The following PEX3 variants were observed in gnomAD, a reference collection of about 807,000 sequenced individuals.
The protein encoded by PEX3 is peroxin-3.
PEX3 carries 30 observed loss-of-function variants against 55.8 expected under a neutral mutation model. The ratio of observed to expected loss-of-function variants is 0.54; its 90% CI spans 0.40 to 0.73. The LOEUF is 0.73. PEX3 is among the 30% of genes least tolerant of loss of function. The pLI is 0.00. For synonymous variants in PEX3, 135 were observed against 148.4 expected, an observed-to-expected ratio of 0.91 and a Z score of 0.66; for missense variants, 351 against 432.8, an observed-to-expected ratio of 0.81 and a Z score of 1.68.
intron 1 of PEX3, among the ~76,000 whole-genome samples, chr6:143,455,721 G>C (rs161077): frequency 0.69 from 104,270 of 151,950 alleles, 36,157 homozygotes; most frequent in African/African-American, 0.78. Flanking sequence ...TGACCAGAAA[G>C]TGAAGAGTTA....
At position 143,451,324 on chromosome 6, in the gene PEX3, G is replaced by T. The variant is rs987761448; in HGVS notation, c.73+209G>T. On this transcript the variant is annotated intron_variant, in intron 1 of 11. Coordinates refer to ENST00000367591, the MANE Select transcript of PEX3 (RefSeq NM_003630.3). This position sits in a 1 kb window ranked among gnomAD's most constrained non-coding sequence, Gnocchi z 4.1. ...CCTCTGTGCCCTTTGCCCTGTCACC[G>T]ACTCTTAACTCTGTTTCTCACCTAT... 6.6e-6 allele frequency among the ~76,000 whole-genome samples: 1 copy of T among 152,128 alleles called. No homozygotes were observed. The highest frequency in any genetic ancestry group is 2.4e-5 in the African/African-American group (1 of 41,428).
In PEX3 at chr6:143,485,679, A is replaced by G. The variant is rs943042787; in HGVS notation, c.1038+431A>G. ...AAATGTAACAGTTAATAGTGCATCAATAATATGCTCACTAAAAGCCACATA... is the reference window on the plus strand; with the variant it reads ...AAATGTAACAGTTAATAGTGCATCAGTAATATGCTCACTAAAAGCCACATA... On this transcript the variant is annotated intron_variant, in intron 11 of 11. Coordinates refer to ENST00000367591, the MANE Select transcript of PEX3 (RefSeq NM_003630.3). The surrounding 1 kb of genome is among the most constrained non-coding windows in gnomAD (Gnocchi z 5.6). Among the ~76,000 whole-genome samples, 1 of 152,118 alleles carries G rather than the reference A, an allele frequency of 6.6e-6. No homozygotes were observed. Among genetic ancestry groups the G allele is most frequent in the East Asian group, 1.9e-4 (1 of 5,192 alleles).
At chr6:143,460,775 A>G (rs1348814498) in intron 2 of PEX3, among the ~76,000 whole-genome samples, 1 of 151,856 alleles carries the variant, frequency 6.6e-6, no homozygotes, top group Non-Finnish European at 1.5e-5. Context: ...GAGGCAGGAG[A>G]ATCACTTGAA....
In PEX3 at chr6:143,482,015, A is replaced by G. The variant is rs186723709; in HGVS notation, c.941+2817A>G. Among the ~76,000 whole-genome samples, 26 of 152,324 alleles carry G rather than the reference A, an allele frequency of 1.7e-4. No individual in the cohort carries two copies. The East Asian group carries it at 4.6e-3, about 27-fold the overall frequency. On this transcript the variant is annotated intron_variant, in intron 10 of 11. Transcript: ENST00000367591. The surrounding 1 kb of genome is among the most constrained non-coding windows in gnomAD (Gnocchi z 5.5). ...AGTATTTGAAATCAAAAGCAAATATACTTAATAGTAAAACTGGAATGATTT... is the reference window on the plus strand; with the variant it reads ...AGTATTTGAAATCAAAAGCAAATATGCTTAATAGTAAAACTGGAATGATTT...
chr6:143,488,396 C>A lies in PEX3; in HGVS notation c.1039-747C>A, dbSNP rs899680729. 6.6e-6 allele frequency among the ~76,000 whole-genome samples: 1 copy of A among 152,126 alleles called. No individual in the cohort carries two copies. Among genetic ancestry groups the A allele is most frequent in the African/African-American group, 2.4e-5 (1 of 41,506 alleles). Reference sequence around the variant, plus strand: ...CAATCATATATAGTTTTCAAAATTTCTTTTAAAATTAAGTGTATGATATAG... The same window carrying A: ...CAATCATATATAGTTTTCAAAATTTATTTTAAAATTAAGTGTATGATATAG... On this transcript the variant is annotated intron_variant, in intron 11 of 11. Transcript: ENST00000367591. The surrounding 1 kb of genome is among the most constrained non-coding windows in gnomAD (Gnocchi z 4.9).
chr6:143,474,047 A>C (rs1332409227), intron 8 of PEX3, among the ~76,000 whole-genome samples: 1 of 152,058 alleles, frequency 6.6e-6, no homozygotes, highest in Non-Finnish European at 1.5e-5. Context: ...CAGGAGGATC[A>C]CTTGAGCCCA....
rs1197709296 is a variant in PEX3 at position 143,479,811 on chromosome 6, A to G, written c.941+613A>G. On this transcript the variant is annotated intron_variant, in intron 10 of 11. Coordinates refer to ENST00000367591, the MANE Select transcript of PEX3 (RefSeq NM_003630.3). The surrounding 1 kb of genome is among the most constrained non-coding windows in gnomAD (Gnocchi z 4.6). ...ATATCTTTGTTATCCCAACACAAAT[A>G]TCTTTGGTCTCATATTAGAATTTAT... Among the ~76,000 whole-genome samples the G allele has an allele frequency of 8.5e-5, 13 of 152,210 alleles. 1 individual carries two copies. The East Asian group carries it at 2.3e-3, about 27-fold the overall frequency.
In PEX3 at chr6:143,471,025, G is replaced by A. The variant is rs1484027885; in HGVS notation, c.396G>A (p.Gln132=). Residue 132 remains glutamine (Q), a synonymous_variant, in exon 5 of 12, where the codon CAG becomes CAA. Transcript: ENST00000367591. This position sits in a 1 kb window ranked among gnomAD's most constrained non-coding sequence, Gnocchi z 5.4. The part of the protein sequence containing the change: ...TCMLVVLLRV[Q]LNIIGGYIYL... ...TGCTGGTTGTTCTTTTGCGGGTCCA[G>A]TTAAACATAATTGGTGGATATATTT... 2 of 1,612,734 alleles carry A rather than the reference G, an allele frequency of 1.2e-6. No individual in the cohort carries two copies.
At chr6:143,474,738 C>A in intron 8 of PEX3, 48 bp from the exon 9 acceptor site, 1 of 911,200 alleles carries the variant, frequency 1.1e-6, no homozygotes, top group South Asian at 1.3e-5. Flanking sequence ...TCATCATAAC[C>A]CTGTGCTAAT....
At chr6:143,484,552 C>T (rs1207541583) in intron 10 of PEX3, among the ~76,000 whole-genome samples, 1 of 151,922 alleles carries the variant, frequency 6.6e-6, no homozygotes, top group Non-Finnish European at 1.5e-5. Flanking sequence ...GGGAAATACT[C>T]AACATTGTTA....
In PEX3 at chr6:143,480,874, A is replaced by T. The variant is rs145601885; in HGVS notation, c.941+1676A>T. Among the ~76,000 whole-genome samples, 700 of 152,218 alleles carry T rather than the reference A, an allele frequency of 4.6e-3. 6 individuals are homozygous for T. Among genetic ancestry groups the T allele is most frequent in the African/African-American group, 0.016 (668 of 41,540 alleles). ...CAACAAATACAAAAATTAGCTGGGC[A>T]TGCGGCACATGCCTGTAGTCCCAGC... On this transcript the variant is annotated intron_variant, in intron 10 of 11. Coordinates refer to ENST00000367591, the MANE Select transcript of PEX3 (RefSeq NM_003630.3).
At chr6:143,461,589 A>C (rs924764231) in intron 2 of PEX3, among the ~76,000 whole-genome samples, 3 of 152,094 alleles carry the variant, frequency 2.0e-5, no homozygotes, top group African/African-American at 7.2e-5. Flanking sequence ...TAGAAAAAAA[A>C]AAAAAGAGTG....
chr6:143,462,957 C>G lies in PEX3; in HGVS notation c.247C>G (p.Gln83Glu). Residue 83 changes from glutamine (Q) to glutamate (E), a missense_variant, in exon 3 of 12, where the codon CAA (glutamine) becomes GAA (glutamate). Physicochemically the swap from Gln to Glu is conservative, Grantham distance 29. Transcript: ENST00000367591. The surrounding 1 kb of genome is among the most constrained non-coding windows in gnomAD (Gnocchi z 4.1). ...LPTLREALMQQLNSESLTALL... is the reference protein window; with the variant it reads ...LPTLREALMQELNSESLTALL... ...AACACTGAGAGAGGCCTTAATGCAGCAACTGAATTCCGAGAGCCTCACAGC... is the reference window on the plus strand; with the variant it reads ...AACACTGAGAGAGGCCTTAATGCAGGAACTGAATTCCGAGAGCCTCACAGC... 1 of 1,613,740 alleles carries G rather than the reference C, an allele frequency of 6.2e-7. No homozygotes were observed. Among genetic ancestry groups the G allele is most frequent in the Non-Finnish European group, 8.5e-7 (1 of 1,179,770 alleles).
rs1312991169 is a variant in PEX3 at position 143,451,406 on chromosome 6, G to A, written c.73+291G>A. Among the ~76,000 whole-genome samples, 1 of 152,030 alleles carries A rather than the reference G, an allele frequency of 6.6e-6. No individual in the cohort carries two copies. Among genetic ancestry groups the A allele is most frequent in the Non-Finnish European group, 1.5e-5 (1 of 68,000 alleles). ...TCACAGTTTAAGTTTCTGTTTCAAG[G>A]CACCATTCTCTTACAGGAACTTTTT... On this transcript the variant is annotated intron_variant, in intron 1 of 11. Coordinates refer to ENST00000367591, the MANE Select transcript of PEX3 (RefSeq NM_003630.3). This position sits in a 1 kb window ranked among gnomAD's most constrained non-coding sequence, Gnocchi z 4.1.
At position 143,479,344 on chromosome 6, in the gene PEX3, C is replaced by A; in HGVS notation, c.941+146C>A. The A allele has an allele frequency of 1.6e-6, 1 of 635,600 alleles. No individual in the cohort carries two copies. Among genetic ancestry groups the A allele is most frequent in the East Asian group, 2.9e-5 (1 of 34,934 alleles). 39.4% of individuals were successfully genotyped at this position (635,600 alleles called of 1,614,324 possible). A position where few individuals can be genotyped will look rare whatever the true frequency, so the allele number is the denominator to read the frequency against. On this transcript the variant is annotated intron_variant, in intron 10 of 11. Transcript: ENST00000367591. This position sits in a 1 kb window ranked among gnomAD's most constrained non-coding sequence, Gnocchi z 4.6. The stretch of plus-strand genomic sequence containing the variant: ...AAATTAAACTCTGTTAAACCAACAA[C>A]TTCTTCACTAGCAGAAGCTCCTTCT...
Position 143,464,503 on chromosome 6 carries a change from G to T in PEX3, c.287+1506G>T, listed in dbSNP as rs966779562. ...ATTTAGGAGTATCAAAAAAACCAAA[G>T]GATTAATTTTGATAGATTATCCTGG... On this transcript the variant is annotated intron_variant, in intron 3 of 11. Coordinates refer to ENST00000367591, the MANE Select transcript of PEX3 (RefSeq NM_003630.3). This position sits in a 1 kb window ranked among gnomAD's most constrained non-coding sequence, Gnocchi z 5.8. 5.9e-5 allele frequency among the ~76,000 whole-genome samples: 9 copies of T among 151,746 alleles called. No individual in the cohort carries two copies. Among genetic ancestry groups the T allele is most frequent in the African/African-American group, 1.9e-4 (8 of 41,342 alleles).
At chr6:143,481,807 A>G (rs1464710159) in intron 10 of PEX3, among the ~76,000 whole-genome samples, 2 of 152,070 alleles carry the variant, frequency 1.3e-5, no homozygotes, top group Admixed American at 1.3e-4. Flanking sequence ...TGCTTGAGGC[A>G]GGAATTCAAG....
intron 4 of PEX3, among the ~76,000 whole-genome samples, chr6:143,468,447 G>C (rs1263977379): frequency 6.6e-6 from 1 of 152,072 alleles, no homozygotes; most frequent in Non-Finnish European, 1.5e-5. Context: ...TGCTTTAAAG[G>C]AAGTTTTTAT....
chr6:143,481,401 T>A (rs1277398481), intron 10 of PEX3, among the ~76,000 whole-genome samples: 1 of 151,892 alleles, frequency 6.6e-6, no homozygotes, highest in African/African-American at 2.4e-5. Context: ...ACTAGTATTC[T>A]TCATTTTCCA....
Sources: allele counts gnomAD v4.1 joint callset (sites outside exome capture counted in the v4.1 genomes callset), GRCh38; gene constraint gnomAD v4.1.1; non-coding constraint Gnocchi (gnomAD v3.1); transcripts MANE v1.5; gene names NCBI Gene and HGNC (gene_info 2026-07-23, HGNC 2026-07-21).